The following MYBPC1 variants were observed in gnomAD, a reference collection of about 807,000 sequenced individuals.
MYBPC1 encodes the protein myosin-binding protein C, slow-type.
In MYBPC1, 52 loss-of-function variants were observed where a neutral mutation model predicts 147.1. The observed-to-expected ratio is 0.35, with a 90% CI of 0.28 to 0.45. MYBPC1 has a LOEUF of 0.45. Ranked by LOEUF, MYBPC1 falls within the 20% of genes least tolerant of loss-of-function variation. The pLI is 1.00. For missense variants in MYBPC1, 1,228 were observed against 1,440.3 expected (o/e 0.85, Z 2.39); for synonymous variants, 477 against 475.9 (o/e 1.00, Z -0.03).
intron 16 of MYBPC1, 98 bp downstream of exon 16, chr12:101,651,491 C>T: frequency 6.7e-7 from 1 of 1,485,802 alleles, no homozygotes; most frequent in Non-Finnish European, 9.4e-7. Flanking sequence ...GAAGGGTAGC[C>T]ATAGGGAGAT....
chr12:101,612,624 T>C lies in MYBPC1; in HGVS notation c.26-1872T>C, dbSNP rs576579354. Among the ~76,000 whole-genome samples the C allele has an allele frequency of 1.8e-3, 273 of 152,202 alleles. 1 individual carries two copies. In the Middle Eastern group the frequency reaches 0.024, roughly 13 times the overall value. On this transcript the variant is annotated intron_variant, in intron 1 of 31. Coordinates refer to ENST00000361466, the MANE Select transcript of MYBPC1 (RefSeq NM_002465.4). Reference sequence around the variant, plus strand: ...GTAGGATAAATAACTTCTGCAGCTGTGGAGAAAGGAGACTGGAGGGATGAG... The same window carrying C: ...GTAGGATAAATAACTTCTGCAGCTGCGGAGAAAGGAGACTGGAGGGATGAG...
chr12:101,677,131 C>G, intron 26 of MYBPC1, 104 bp from the exon 27 acceptor site: 9 of 1,153,744 alleles, frequency 7.8e-6, no homozygotes, highest in Non-Finnish European at 1.2e-6. Context: ...GTCTTTTTTT[C>G]TTTTTGTTAA....
At position 101,595,024 on chromosome 12, in the gene MYBPC1, T is replaced by C. The variant is rs1876624448; in HGVS notation, c.-47T>C. The C allele has an allele frequency of 6.2e-7, 1 of 1,600,046 alleles. No individual in the cohort carries two copies. The highest frequency in any genetic ancestry group is 8.6e-7 in the Non-Finnish European group (1 of 1,167,968). On this transcript the variant is annotated 5_prime_UTR_variant, in exon 1 of 32. Transcript: ENST00000361466. ...TGCCTGTGGGGTTTCTGTCAACTAG[T>C]CGTGGAGGGAAGGAGACTCTTTAAA... is the stretch of plus-strand genomic sequence containing the variant.
At chr12:101,679,697 G>A (rs1950807090) in intron 28 of MYBPC1, among the ~76,000 whole-genome samples, 1 of 152,058 alleles carries the variant, frequency 6.6e-6, no homozygotes, top group Non-Finnish European at 1.5e-5. Context: ...GACATCAGAG[G>A]ACAGATTAAG....
In MYBPC1 at chr12:101,685,741, G is replaced by GA; in HGVS notation, c.*184dup. 1.6e-6 allele frequency: 2 copies of GA among 1,246,770 alleles called. No homozygotes were observed. The highest frequency in any genetic ancestry group is 2.2e-6 in the Non-Finnish European group (2 of 919,410). The allele number at this position is 1,246,770 out of a possible 1,614,324, so 77.2% of individuals were successfully genotyped here. On this transcript the variant is annotated 3_prime_UTR_variant, in exon 32 of 32. Transcript: ENST00000361466. Reference sequence around the variant, plus strand: ...CTGCTTTGAAATCTGGTTGAAATGAGAAAAAGCATTTTCTGTTTTCCCACC... The same window carrying GA: ...CTGCTTTGAAATCTGGTTGAAATGAGAAAAAAGCATTTTCTGTTTTCCCACC...
intron 30 of MYBPC1, among the ~76,000 whole-genome samples, chr12:101,683,216 TC>T (rs1014046721): frequency 6.6e-5 from 10 of 152,040 alleles, no homozygotes; most frequent in Non-Finnish European, 1.3e-4. Flanking sequence ...GATCGCTTGA[TC>T]CCAGGAGTCC....
chr12:101,665,515 G>A (rs10860764), intron 22 of MYBPC1, among the ~76,000 whole-genome samples: 6,339 of 152,074 alleles, frequency 0.042, 344 homozygotes, highest in East Asian at 0.25. Context: ...AATGCCTGCA[G>A]CATTTTACTC....
chr12:101,598,401 C>T (rs1016722988), intron 1 of MYBPC1, among the ~76,000 whole-genome samples: 1 of 152,044 alleles, frequency 6.6e-6, no homozygotes, highest in African/African-American at 2.4e-5. Flanking sequence ...ATTGCAATAG[C>T]CTTTCTTCCG....
chr12:101,674,733 C>T (rs1325986354), intron 25 of MYBPC1, among the ~76,000 whole-genome samples: 1 of 151,622 alleles, frequency 6.6e-6, no homozygotes, highest in African/African-American at 2.4e-5. Flanking sequence ...CATTGTGGCA[C>T]ACACTTGTGG....
chr12:101,642,215 G>A (rs1200506510), intron 10 of MYBPC1, among the ~76,000 whole-genome samples: 1 of 151,996 alleles, frequency 6.6e-6, no homozygotes, highest in African/African-American at 2.4e-5. Context: ...TTACTATAAG[G>A]GCACACATTT....
At chr12:101,611,039 T>A (rs145480012) in intron 1 of MYBPC1, among the ~76,000 whole-genome samples, 7 of 152,360 alleles carry the variant, frequency 4.6e-5, no homozygotes, top group Non-Finnish European at 8.8e-5. Flanking sequence ...TGCAGTGGGT[T>A]CTAATAAGGG....
intron 15 of MYBPC1, 50 bp from the exon 16 acceptor site, chr12:101,651,181 C>T: frequency 6.2e-7 from 1 of 1,605,964 alleles, no homozygotes; most frequent in Non-Finnish European, 8.5e-7. Flanking sequence ...ACCATCTTGG[C>T]CTGTTGGGAG....
intron 18 of MYBPC1, among the ~76,000 whole-genome samples, chr12:101,657,808 A>G (rs1407307281): frequency 6.6e-6 from 1 of 152,208 alleles, no homozygotes. Flanking sequence ...ATGCTTCCTA[A>G]TTCAATCTAT....
intron 1 of MYBPC1, among the ~76,000 whole-genome samples, chr12:101,598,834 T>C (rs1878577647): frequency 6.6e-6 from 1 of 152,170 alleles, no homozygotes; most frequent in Non-Finnish European, 1.5e-5. Flanking sequence ...CACTTGTCTC[T>C]GTCTTCTAAA....
downstream of MYBPC1, among the ~76,000 whole-genome samples, chr12:101,687,571 G>T (rs185847456): frequency 2.3e-4 from 35 of 152,262 alleles, no homozygotes; most frequent in East Asian, 6.5e-3. Flanking sequence ...GCACAGTATT[G>T]GTTAAGGTAT....
At chr12:101,642,668 C>T (rs11110905) in intron 11 of MYBPC1, 83 bp downstream of exon 11, 66,476 of 1,471,230 alleles carry the variant, frequency 0.045, 1,685 homozygotes, top group Non-Finnish European at 0.053. Flanking sequence ...TCCCGAGCTC[C>T]TTCCAGTCTC....
chr12:101,653,719 A>G (rs951796496), intron 18 of MYBPC1, among the ~76,000 whole-genome samples: 1 of 152,116 alleles, frequency 6.6e-6, no homozygotes, highest in East Asian at 1.9e-4. Context: ...GGCAATTACA[A>G]GTGCAAAGGC....
At chr12:101,598,401 C>G (rs1016722988) in intron 1 of MYBPC1, among the ~76,000 whole-genome samples, 1 of 152,162 alleles carries the variant, frequency 6.6e-6, no homozygotes, top group Middle Eastern at 3.4e-3. Context: ...ATTGCAATAG[C>G]CTTTCTTCCG....
chr12:101,614,927 C>T (rs1462825232), intron 2 of MYBPC1: 2 of 289,796 alleles, frequency 6.9e-6, no homozygotes, highest in African/African-American at 4.4e-5. Context: ...GGGAGTGGAT[C>T]CATCTCTACC....
Sources: allele counts gnomAD v4.1 joint callset (sites outside exome capture counted in the v4.1 genomes callset), GRCh38; gene constraint gnomAD v4.1.1; transcripts MANE v1.5; gene names NCBI Gene and HGNC (gene_info 2026-07-23, HGNC 2026-07-21).